Variants in EFCAB5 observed in about 807,000 individuals in gnomAD.
EFCAB5 encodes EF-hand calcium binding domain 5.
Under a neutral mutation model 167.9 loss-of-function variants are expected in EFCAB5, and 131 were observed. The observed-to-expected ratio is 0.78, with a 90% CI of 0.68 to 0.90. The LOEUF (loss-of-function observed/expected upper bound fraction) is 0.90, where lower values mean the gene tolerates loss of function less well. Among genes scored for constraint, EFCAB5 ranks in the 40% least tolerant of loss-of-function variants. EFCAB5 has a pLI of 0.00. For missense variants in EFCAB5, 1,663 were observed against 1,745.2 expected (o/e 0.95, Z 0.84); for synonymous variants, 574 against 602.8 (o/e 0.95, Z 0.70).
At chr17:29,987,926 C>A (rs918993304) in intron 4 of EFCAB5, among the ~76,000 whole-genome samples, 17 of 152,154 alleles carry the variant, frequency 1.1e-4, no homozygotes, top group Admixed American at 6.5e-5. Flanking sequence ...AAGCTAGTCT[C>A]CCAAACGAGG....
At chr17:30,050,422 A>C (rs1001073452) in intron 8 of EFCAB5, among the ~76,000 whole-genome samples, 4 of 152,106 alleles carry the variant, frequency 2.6e-5, no homozygotes, top group African/African-American at 9.7e-5. Context: ...GGCGTGAGCC[A>C]CCGCGCCTGG....
At chr17:30,023,981 A>G (rs904287218) in intron 7 of EFCAB5, among the ~76,000 whole-genome samples, 1 of 152,036 alleles carries the variant, frequency 6.6e-6, no homozygotes, top group African/African-American at 2.4e-5. Context: ...AAATTCAACA[A>G]CCCTTCATGC....
In EFCAB5 at chr17:30,090,440, A is replaced by G; in HGVS notation, c.3703A>G (p.Thr1235Ala). 2 of 1,613,580 alleles carry G rather than the reference A, an allele frequency of 1.2e-6. No individual in the cohort carries two copies. Among genetic ancestry groups the G allele is most frequent in the Non-Finnish European group, 8.5e-7 (1 of 1,179,768 alleles). ...CIFRDFLFKCTDSSEVVLASA... is the reference protein window; with the variant it reads ...CIFRDFLFKCADSSEVVLASA... ...TTTCAGAGATTTCCTCTTTAAATGTACTGACAGTTCAGAAGTTGTTCTGGC... is the reference window on the plus strand; with the variant it reads ...TTTCAGAGATTTCCTCTTTAAATGTGCTGACAGTTCAGAAGTTGTTCTGGC... The change falls in exon 20 of 23, where the codon ACT becomes GCT. Residue 1235 changes from threonine to alanine, a missense_variant. Thr to Ala is a moderately conservative substitution (Grantham distance 58). Transcript: ENST00000394835.
intron 1 of EFCAB5, among the ~76,000 whole-genome samples, chr17:29,933,583 A>G (rs186138980): frequency 1.3e-5 from 2 of 152,258 alleles, no homozygotes; most frequent in East Asian, 1.9e-4. Flanking sequence ...TCCTAGTTCT[A>G]CTTAGAGCAC....
At chr17:29,974,034 G>A (rs1241394203) in intron 4 of EFCAB5, among the ~76,000 whole-genome samples, 1 of 151,142 alleles carries the variant, frequency 6.6e-6, no homozygotes, top group Non-Finnish European at 1.5e-5. Context: ...GTGTGTGCCT[G>A]TAATCCCAGC....
chr17:29,939,932 T>C (rs761578022), upstream of EFCAB5, among the ~76,000 whole-genome samples: 2 of 152,226 alleles, frequency 1.3e-5, no homozygotes, highest in Non-Finnish European at 1.5e-5. Context: ...ACTAGTCTTT[T>C]ACTATCCAGC....
intron 22 of EFCAB5, among the ~76,000 whole-genome samples, chr17:30,099,428 T>TAAA (rs56120836): frequency 4.0e-5 from 6 of 149,752 alleles, no homozygotes; most frequent in Non-Finnish European, 8.9e-5. Flanking sequence ...CTTAATCTCT[T>TAAA]AAAAAAAAAA....
At position 30,059,659 on chromosome 17, in the gene EFCAB5, T is replaced by C. The variant is rs1187136433; in HGVS notation, c.2695T>C (p.Tyr899His). 1.2e-6 allele frequency: 2 copies of C among 1,609,432 alleles called. No individual in the cohort carries two copies. Among genetic ancestry groups the C allele is most frequent in the Non-Finnish European group, 1.7e-6 (2 of 1,176,996 alleles). ...LDLKEVDELL[Y>H]TYKEGMEKES... ...TCTGAAGGAAGTTGATGAACTCTTG[T>C]ACACATACAAGGAGGGAATGGAAAA... The change falls in exon 14 of 23, where the codon TAC (tyrosine) becomes CAC (histidine). Residue 899 changes from tyrosine to histidine, a missense_variant. By Grantham distance (83) the Tyr-to-His change is moderately conservative. Transcript: ENST00000394835.
intron 22 of EFCAB5, among the ~76,000 whole-genome samples, chr17:30,100,382 A>G (rs1258042914): frequency 6.6e-6 from 1 of 152,214 alleles, no homozygotes; most frequent in Non-Finnish European, 1.5e-5. Context: ...TGGGGGAAAA[A>G]GCAAAGTCGA....
intron 3 of EFCAB5, 83 bp from the exon 4 acceptor site, chr17:29,968,708 A>G: frequency 8.5e-7 from 1 of 1,177,300 alleles, no homozygotes; most frequent in Non-Finnish European, 1.1e-6. Flanking sequence ...GGATATAAAA[A>G]TTTTTTCAAA....
chr17:30,017,438 C>T (rs1022465963), intron 7 of EFCAB5, among the ~76,000 whole-genome samples: 1 of 148,062 alleles, frequency 6.8e-6, no homozygotes, highest in Non-Finnish European at 1.5e-5. Flanking sequence ...ATATACTACG[C>T]CACTACAGAT....
At chr17:29,940,729 G>A (rs929496917), upstream of EFCAB5, among the ~76,000 whole-genome samples, 1 of 152,124 alleles carries the variant, frequency 6.6e-6, no homozygotes, top group African/African-American at 2.4e-5. Context: ...GCTAGAACAT[G>A]TGTTATGTTG....
At chr17:30,017,071 A>G (rs1477630925) in intron 7 of EFCAB5, among the ~76,000 whole-genome samples, 1 of 151,868 alleles carries the variant, frequency 6.6e-6, no homozygotes, top group East Asian at 1.9e-4. Flanking sequence ...CAGCTACTCA[A>G]GAGGTTGAGG....
At chr17:30,101,015 A>G (rs1164669888) in intron 22 of EFCAB5, among the ~76,000 whole-genome samples, 1 of 152,196 alleles carries the variant, frequency 6.6e-6, no homozygotes. Context: ...TAAGGAGATG[A>G]GTTCAGGAGG....
chr17:30,008,068 G>GC (rs11441875), intron 7 of EFCAB5, among the ~76,000 whole-genome samples: 93,640 of 151,388 alleles, frequency 0.62, 31,114 homozygotes, highest in African/African-American at 0.87. Flanking sequence ...TAAGTCAATA[G>GC]CAATCTAATG....
chr17:29,946,696 C>T (rs2067408072), intron 3 of EFCAB5, among the ~76,000 whole-genome samples: 1 of 151,930 alleles, frequency 6.6e-6, no homozygotes, highest in African/African-American at 2.4e-5. Flanking sequence ...CCTTGGCCTC[C>T]CATAGTGCTG....
intron 1 of EFCAB5, among the ~76,000 whole-genome samples, chr17:29,936,032 A>G (rs1015724636): frequency 6.6e-6 from 1 of 152,226 alleles, no homozygotes; most frequent in Non-Finnish European, 1.5e-5. Flanking sequence ...CAGGATGAAG[A>G]AGCATTACTA....
At chr17:29,966,947 A>G (rs2067841971) in intron 3 of EFCAB5, among the ~76,000 whole-genome samples, 1 of 152,100 alleles carries the variant, frequency 6.6e-6, no homozygotes, top group South Asian at 2.1e-4. Context: ...CCAATCCTAT[A>G]ATCAGCTGTA....
intron 3 of EFCAB5, chr17:29,968,299 A>G (rs530834800): frequency 4.0e-5 from 18 of 453,324 alleles, no homozygotes; most frequent in Admixed American, 3.1e-4. Context: ...TATACTATTC[A>G]TAGTAATCCC....
Sources: allele counts gnomAD v4.1 joint callset (sites outside exome capture counted in the v4.1 genomes callset), GRCh38; gene constraint gnomAD v4.1.1; transcripts MANE v1.5; gene names NCBI Gene and HGNC (gene_info 2026-07-23, HGNC 2026-07-21).